The following LINGO2 variants were observed in gnomAD, a reference collection of about 807,000 sequenced individuals.
LINGO2 encodes the protein leucine-rich repeat and immunoglobulin-like domain-containing nogo receptor-interacting protein 2.
LINGO2 carries 14 observed loss-of-function variants against 30.6 expected under a neutral mutation model. The ratio of observed to expected loss-of-function variants is 0.46; its 90% CI spans 0.30 to 0.72. LINGO2 has a LOEUF of 0.72. LINGO2 is among the 30% of genes least tolerant of loss of function. The pLI is 0.07. For missense variants in LINGO2, 729 were observed against 751.7 expected, an observed-to-expected ratio of 0.97 and a Z score of 0.35; for synonymous variants, 317 against 288.5, an observed-to-expected ratio of 1.10 and a Z score of -1.00.
chr9:27,992,840 G>A (rs1821466263), intron 5 of LINGO2, among the ~76,000 whole-genome samples: 1 of 152,046 alleles, frequency 6.6e-6, no homozygotes, highest in South Asian at 2.1e-4. Flanking sequence ...TTATAAAATG[G>A]ATCTTACCAA....
the LINGO2 span, among the ~76,000 whole-genome samples, chr9:28,842,822 C>A: frequency 6.6e-6 from 1 of 151,788 alleles, no homozygotes; most frequent in Non-Finnish European, 1.5e-5. Context: ...CAACACTAAT[C>A]CCATCTCTCT....
chr9:29,121,901 A>G, the LINGO2 span, among the ~76,000 whole-genome samples: 1 of 152,198 alleles, frequency 6.6e-6, no homozygotes, highest in East Asian at 1.9e-4. Context: ...AGGTTCAGTT[A>G]AAAATCTTAT....
At chr9:28,793,774 C>T in the LINGO2 span, among the ~76,000 whole-genome samples, 1 of 152,042 alleles carries the variant, frequency 6.6e-6, no homozygotes, top group Non-Finnish European at 1.5e-5. Flanking sequence ...AGATATCACC[C>T]TGGAGCTTGT....
At chr9:28,342,632 T>G (rs945841215) in intron 3 of LINGO2, among the ~76,000 whole-genome samples, 4 of 152,114 alleles carry the variant, frequency 2.6e-5, no homozygotes, top group African/African-American at 9.7e-5. Context: ...TTTTCCATCA[T>G]GTAATAACCT....
the LINGO2 span, among the ~76,000 whole-genome samples, chr9:29,213,544 C>G: frequency 6.6e-6 from 1 of 152,074 alleles, no homozygotes; most frequent in African/African-American, 2.4e-5. Context: ...AGGCGGGACG[C>G]AGGATAGCCG....
At chr9:28,695,587 T>G in the LINGO2 span, among the ~76,000 whole-genome samples, 7 of 151,890 alleles carry the variant, frequency 4.6e-5, no homozygotes, top group Non-Finnish European at 7.4e-5. Context: ...CAATGACTTG[T>G]AAATAGAGAT....
chr9:28,164,994 T>C (rs941045444), intron 4 of LINGO2, among the ~76,000 whole-genome samples: 2 of 152,218 alleles, frequency 1.3e-5, no homozygotes, highest in African/African-American at 2.4e-5. Flanking sequence ...AAGTTTTTCT[T>C]TGAGTCACTT....
chr9:28,230,377 C>T (rs1235070212), intron 4 of LINGO2, among the ~76,000 whole-genome samples: 1 of 151,810 alleles, frequency 6.6e-6, no homozygotes, highest in East Asian at 1.9e-4. Flanking sequence ...TGACAAATGT[C>T]ATCTTTATCA....
chr9:28,774,000 G>T, the LINGO2 span, among the ~76,000 whole-genome samples: 2 of 150,784 alleles, frequency 1.3e-5, no homozygotes, highest in African/African-American at 4.9e-5. Context: ...TATGTTAAAA[G>T]AAATTTTAGG....
the LINGO2 span, among the ~76,000 whole-genome samples, chr9:28,911,305 T>A: frequency 6.8e-6 from 1 of 147,412 alleles, no homozygotes; most frequent in Non-Finnish European, 1.5e-5. Context: ...TTTAGAAAAA[T>A]TTTTCTATAA....
At chr9:28,766,265 C>T in the LINGO2 span, among the ~76,000 whole-genome samples, 1 of 151,402 alleles carries the variant, frequency 6.6e-6, no homozygotes, top group Admixed American at 6.6e-5. Context: ...ACAAATAACC[C>T]AATTTAAAAA....
the LINGO2 span, among the ~76,000 whole-genome samples, chr9:29,128,355 T>C: frequency 6.6e-6 from 1 of 152,154 alleles, no homozygotes; most frequent in Non-Finnish European, 1.5e-5. Flanking sequence ...ACATTGCATC[T>C]ATTCCACCTC....
At chr9:28,983,304 T>C in the LINGO2 span, among the ~76,000 whole-genome samples, 1 of 132,642 alleles carries the variant, frequency 7.5e-6, no homozygotes, top group Admixed American at 8.4e-5. Context: ...GACCCATTTA[T>C]TATATGAGGT....
the LINGO2 span, among the ~76,000 whole-genome samples, chr9:29,156,308 G>A: frequency 6.6e-6 from 1 of 152,182 alleles, no homozygotes; most frequent in East Asian, 1.9e-4. Context: ...AAGTGAAAAT[G>A]TATCTGGCTT....
At chr9:29,091,494 ACAG>A in the LINGO2 span, among the ~76,000 whole-genome samples, 10 of 152,190 alleles carry the variant, frequency 6.6e-5, no homozygotes, top group African/African-American at 2.4e-4. Context: ...TGAGTGTACA[ACAG>A]CTCTCAGCCA....
At chr9:28,836,666 T>G in the LINGO2 span, among the ~76,000 whole-genome samples, 1 of 152,102 alleles carries the variant, frequency 6.6e-6, no homozygotes, top group Non-Finnish European at 1.5e-5. Flanking sequence ...TTGTTTTAGT[T>G]TTTAATTTTA....
the LINGO2 span, among the ~76,000 whole-genome samples, chr9:28,700,755 T>C: frequency 2.6e-5 from 4 of 152,100 alleles, no homozygotes; most frequent in African/African-American, 9.7e-5. Context: ...TGTACCACTT[T>C]TCATGTCCAC....
chr9:29,139,985 A>G, the LINGO2 span, among the ~76,000 whole-genome samples: 6 of 152,100 alleles, frequency 3.9e-5, no homozygotes, highest in African/African-American at 1.2e-4. Context: ...GAAACTGGCA[A>G]AAATCTCTAT....
At chr9:29,091,511 C>T in the LINGO2 span, among the ~76,000 whole-genome samples, 5 of 151,992 alleles carry the variant, frequency 3.3e-5, no homozygotes, top group Non-Finnish European at 7.4e-5. Context: ...TCAGCCAGCA[C>T]CAGTTACCAA....
Sources: allele counts gnomAD v4.1 joint callset (sites outside exome capture counted in the v4.1 genomes callset), GRCh38; gene constraint gnomAD v4.1.1; transcripts MANE v1.5; gene names NCBI Gene and HGNC (gene_info 2026-07-23, HGNC 2026-07-21).